The following EIF2AK4 variants were observed in gnomAD, a reference collection of about 807,000 sequenced individuals.
EIF2AK4 encodes eukaryotic translation initiation factor 2 alpha kinase 4.
A neutral mutation model predicts 211.1 loss-of-function variants in EIF2AK4; 139 were observed. The observed-to-expected ratio is 0.66, with a 90% CI of 0.57 to 0.76. The LOEUF is 0.76. Ranked by LOEUF, EIF2AK4 falls within the 30% of genes least tolerant of loss-of-function variation. EIF2AK4 has a pLI of 0.00. For missense variants in EIF2AK4, 1,664 were observed against 2,043.8 expected, an observed-to-expected ratio of 0.81 and a Z score of 3.58; for synonymous variants, 710 against 751.3, an observed-to-expected ratio of 0.94 and a Z score of 0.90.
At chr15:39,993,917 G>A (rs1336776397) in intron 18 of EIF2AK4, among the ~76,000 whole-genome samples, 2 of 152,156 alleles carry the variant, frequency 1.3e-5, no homozygotes, top group Non-Finnish European at 2.9e-5. Flanking sequence ...TTTTCCCAAT[G>A]GAAGGGATGT....
At chr15:40,002,822 C>T in intron 22 of EIF2AK4, 34 bp downstream of exon 22, 1 of 1,608,028 alleles carries the variant, frequency 6.2e-7, no homozygotes, top group South Asian at 1.1e-5. Context: ...GATATTTCTT[C>T]TCATAAGACT....
intron 34 of EIF2AK4, 59 bp from the exon 35 acceptor site, chr15:40,030,300 T>G: frequency 6.6e-7 from 1 of 1,506,058 alleles, no homozygotes; most frequent in Non-Finnish European, 9.2e-7. Flanking sequence ...CTCTCTGTAG[T>G]ATGTTGTAGA....
intron 37 of EIF2AK4, among the ~76,000 whole-genome samples, chr15:40,033,389 AATATAT>A (rs1056710778): frequency 2.0e-5 from 3 of 152,096 alleles, no homozygotes; most frequent in East Asian, 3.8e-4. Flanking sequence ...GTCCTTTATA[AATATAT>A]ATATATTTTT....
At chr15:39,972,080 C>T (rs558528709) in intron 9 of EIF2AK4, among the ~76,000 whole-genome samples, 10 of 152,082 alleles carry the variant, frequency 6.6e-5, no homozygotes, top group East Asian at 5.8e-4. Context: ...TATATGAGGC[C>T]GGGCACGGTG....
At chr15:39,939,721 C>G in intron 2 of EIF2AK4, 104 bp downstream of exon 2, 1 of 851,774 alleles carries the variant, frequency 1.2e-6, no homozygotes. Context: ...GCTCCCATTC[C>G]ACATAAAATT....
intron 23 of EIF2AK4, 96 bp from the exon 24 acceptor site, chr15:40,006,920 G>T: frequency 1.1e-6 from 1 of 922,712 alleles, no homozygotes; most frequent in Non-Finnish European, 1.7e-6. Flanking sequence ...CTTTAAAGGG[G>T]TGAACTTTAT....
intron 13 of EIF2AK4, among the ~76,000 whole-genome samples, chr15:39,985,559 G>A (rs1466977648): frequency 6.6e-6 from 1 of 152,126 alleles, no homozygotes; most frequent in Non-Finnish European, 1.5e-5. Flanking sequence ...TTGAATCCCT[G>A]AATAGACCAA....
At chr15:39,993,052 C>CCATG (rs1473415420) in intron 18 of EIF2AK4, among the ~76,000 whole-genome samples, 5 of 132,398 alleles carry the variant, frequency 3.8e-5, no homozygotes, top group Non-Finnish European at 8.9e-5. Context: ...ATCCATCCAT[C>CCATG]CATCCATCCA....
At chr15:39,978,172 T>C in intron 13 of EIF2AK4, 25 bp downstream of exon 13, 1 of 1,313,432 alleles carries the variant, frequency 7.6e-7, no homozygotes, top group Non-Finnish European at 1.1e-6. Context: ...AGAAATTATA[T>C]CATTTTATTC....
intron 9 of EIF2AK4, among the ~76,000 whole-genome samples, chr15:39,972,530 G>A (rs1345132851): frequency 1.3e-5 from 2 of 152,006 alleles, no homozygotes; most frequent in Admixed American, 6.6e-5. Flanking sequence ...TTTGTCTTTC[G>A]AAAGCTTTAT....
chr15:39,967,943 G>A (rs2034568484), intron 9 of EIF2AK4, 64 bp downstream of exon 9: 1 of 1,516,160 alleles, frequency 6.6e-7, no homozygotes, highest in Non-Finnish European at 9.0e-7. Flanking sequence ...GTGCTGGAGT[G>A]TGCCAGACAT....
chr15:39,967,231 G>A, intron 8 of EIF2AK4, 113 bp from the exon 9 acceptor site: 1 of 1,278,220 alleles, frequency 7.8e-7, no homozygotes, highest in Non-Finnish European at 1.0e-6. Flanking sequence ...TTTGGTTTTG[G>A]TTTTGTTTTT....
Position 40,026,120 on chromosome 15 carries a change from G to T in EIF2AK4, c.4502+31G>T, listed in dbSNP as rs1460394700. On this transcript the variant is annotated intron_variant, in intron 33 of 38. Coordinates refer to ENST00000263791, the MANE Select transcript of EIF2AK4 (RefSeq NM_001013703.4). ...TTAGGAAACAAAAGCCGAGAAAAGT[G>T]ACTTCAGTTACCTATATGGAAACTA... The T allele has an allele frequency of 1.9e-6, 3 of 1,583,452 alleles. No individual in the cohort carries two copies. In the South Asian group the frequency reaches 3.3e-5, roughly 18 times the overall value.
At chr15:39,949,318 C>T in intron 4 of EIF2AK4, 50 bp downstream of exon 4, 2 of 1,602,930 alleles carry the variant, frequency 1.2e-6, no homozygotes, top group African/African-American at 1.3e-5. Context: ...TGGAGGATTG[C>T]AAACTACTGT....
intron 23 of EIF2AK4, among the ~76,000 whole-genome samples, chr15:40,004,072 C>T (rs993709037): frequency 6.6e-6 from 1 of 152,180 alleles, no homozygotes; most frequent in African/African-American, 2.4e-5. Context: ...CTTCACCCAT[C>T]AGACAGGAAA....
intron 5 of EIF2AK4, among the ~76,000 whole-genome samples, chr15:39,954,760 T>C (rs1456881854): frequency 6.6e-6 from 1 of 152,218 alleles, no homozygotes; most frequent in Non-Finnish European, 1.5e-5. Context: ...TCAGACGTGT[T>C]TGGAGAAATT....
intron 32 of EIF2AK4, among the ~76,000 whole-genome samples, chr15:40,024,287 ATCT>A (rs1391238346): frequency 1.3e-5 from 2 of 149,594 alleles, no homozygotes; most frequent in Non-Finnish European, 2.9e-5. Context: ...GGCTCAAGCA[ATCT>A]TCTCACCTCA....
chr15:40,017,539 A>ATG (rs1166324990), intron 29 of EIF2AK4, among the ~76,000 whole-genome samples: 7 of 49,098 alleles, frequency 1.4e-4, no homozygotes, highest in African/African-American at 2.0e-4. Flanking sequence ...ATATATATAT[A>ATG]TATATATATA....
At position 39,997,629 on chromosome 15, in the gene EIF2AK4, G is replaced by A. The variant is rs139786504; in HGVS notation, c.2868+564G>A. On this transcript the variant is annotated intron_variant, in intron 19 of 38. Transcript: ENST00000263791. ...TGTTGAATGGGCCAGTTGTAGTAAC[G>A]TCTAAAGAAAACTACCAAGACCAGA... Among the ~76,000 whole-genome samples, 201 of 152,286 alleles carry A rather than the reference G, an allele frequency of 1.3e-3. 2 individuals are homozygous for A. Among genetic ancestry groups the A allele is most frequent in the African/African-American group, 4.4e-3 (184 of 41,558 alleles).
Sources: gnomAD v4.1 joint callset for allele counts (sites outside exome capture counted in the v4.1 genomes callset) on GRCh38, gnomAD v4.1.1 for gene constraint, MANE v1.5 for transcripts, NCBI Gene and HGNC (gene_info 2026-07-23, HGNC 2026-07-21) for gene names.